The following RORA variants were observed in gnomAD, a reference collection of about 807,000 sequenced individuals.
RORA encodes the protein RAR related orphan receptor A.
RORA carries 7 observed loss-of-function variants against 69.5 expected under a neutral mutation model. The ratio of observed to expected loss-of-function variants is 0.10; its 90% CI spans 0.06 to 0.19. RORA has a LOEUF of 0.19. RORA is among the 10% of genes least tolerant of loss of function. RORA has a pLI of 1.00. For missense variants in RORA, 457 were observed against 663.0 expected, an observed-to-expected ratio of 0.69 and a Z score of 3.41; for synonymous variants, 261 against 240.8, an observed-to-expected ratio of 1.08 and a Z score of -0.78.
intron 1 of RORA, among the ~76,000 whole-genome samples, chr15:61,108,787 G>A (rs1483815271): frequency 6.6e-6 from 1 of 152,132 alleles, no homozygotes; most frequent in East Asian, 1.9e-4. Context: ...CACCTTTTAT[G>A]ATCTAATTTG....
chr15:60,791,199 C>T (rs1342728858), intron 1 of RORA, among the ~76,000 whole-genome samples: 1 of 152,162 alleles, frequency 6.6e-6, no homozygotes, highest in African/African-American at 2.4e-5. Flanking sequence ...AGTCACTTAA[C>T]TTCCCTAGGT....
chr15:61,067,258 C>T (rs1294386386), intron 1 of RORA, among the ~76,000 whole-genome samples: 2 of 151,942 alleles, frequency 1.3e-5, no homozygotes, highest in South Asian at 2.1e-4. Flanking sequence ...ATTACAGGCC[C>T]ATGTCACCAT....
At chr15:60,516,210 T>TAA (rs1491379908) in intron 3 of RORA, among the ~76,000 whole-genome samples, 1 of 26,728 alleles carries the variant, frequency 3.7e-5, no homozygotes, top group African/African-American at 3.2e-4. Context: ...TATATATATT[T>TAA]ATATATATAT....
intron 1 of RORA, among the ~76,000 whole-genome samples, chr15:61,018,876 T>C (rs1337793082): frequency 6.6e-6 from 1 of 152,124 alleles, no homozygotes; most frequent in African/African-American, 2.4e-5. Flanking sequence ...TGTGCATATA[T>C]CTGAGCTAAT....
intron 1 of RORA, among the ~76,000 whole-genome samples, chr15:60,731,483 A>G (rs2071427664): frequency 6.6e-6 from 1 of 152,262 alleles, no homozygotes; most frequent in South Asian, 2.1e-4. Context: ...TGAAGGAAGA[A>G]AACAGAAAAA....
At chr15:61,154,673 C>G (rs1004525550) in intron 1 of RORA, among the ~76,000 whole-genome samples, 5 of 152,134 alleles carry the variant, frequency 3.3e-5, no homozygotes, top group African/African-American at 4.8e-5. Flanking sequence ...ACAGTCAAGT[C>G]CCTCTCCCAG....
chr15:60,760,547 G>A (rs931286631), intron 1 of RORA, among the ~76,000 whole-genome samples: 1 of 152,090 alleles, frequency 6.6e-6, no homozygotes, highest in Non-Finnish European at 1.5e-5. Flanking sequence ...GAGCTCTTTG[G>A]ATCCTTTCCT....
At chr15:60,782,535 T>G (rs2072278641) in intron 1 of RORA, among the ~76,000 whole-genome samples, 1 of 152,226 alleles carries the variant, frequency 6.6e-6, no homozygotes, top group African/African-American at 2.4e-5. Flanking sequence ...AACCATCTTT[T>G]CATTTTTTTA....
chr15:60,703,071 T>C (rs1567162279), intron 1 of RORA, among the ~76,000 whole-genome samples: 2 of 151,520 alleles, frequency 1.3e-5, no homozygotes, highest in Non-Finnish European at 2.9e-5. Context: ...CTGTCTATCA[T>C]AAAGGAACAG....
intron 1 of RORA, among the ~76,000 whole-genome samples, chr15:61,009,201 G>A (rs1488800308): frequency 1.3e-5 from 2 of 152,166 alleles, no homozygotes; most frequent in African/African-American, 4.8e-5. Context: ...TCCCCTTCTT[G>A]GTCCTGATGC....
chr15:60,909,453 C>G (rs1427281652), intron 1 of RORA, among the ~76,000 whole-genome samples: 2 of 152,172 alleles, frequency 1.3e-5, no homozygotes, highest in East Asian at 3.8e-4. Context: ...AAAACTTATT[C>G]CATGCCTTTC....
intron 1 of RORA, among the ~76,000 whole-genome samples, chr15:61,062,679 C>A (rs1174888646): frequency 6.6e-6 from 1 of 152,118 alleles, no homozygotes; most frequent in Non-Finnish European, 1.5e-5. Flanking sequence ...TTTATGTATT[C>A]AATGTATGCT....
intron 1 of RORA, among the ~76,000 whole-genome samples, chr15:61,212,181 A>G (rs1207337419): frequency 6.6e-6 from 1 of 151,974 alleles, no homozygotes; most frequent in Non-Finnish European, 1.5e-5. Context: ...GGTTCTGCCA[A>G]GTGTGGGGCA....
chr15:60,835,025 T>C (rs1213070860), intron 1 of RORA, among the ~76,000 whole-genome samples: 1 of 152,184 alleles, frequency 6.6e-6, no homozygotes, highest in Non-Finnish European at 1.5e-5. Context: ...TTTAAAGGGA[T>C]TGGAGGTTCT....
intron 2 of RORA, among the ~76,000 whole-genome samples, chr15:60,545,884 T>C (rs2067053671): frequency 6.6e-6 from 1 of 152,218 alleles, no homozygotes. Flanking sequence ...GGAATAGTGA[T>C]AGAATTCATT....
chr15:60,523,210 T>G (rs943595500), intron 3 of RORA, among the ~76,000 whole-genome samples: 1 of 152,224 alleles, frequency 6.6e-6, no homozygotes, highest in African/African-American at 2.4e-5. Context: ...CATGTCATTG[T>G]TGGCGAATGA....
At chr15:60,569,879 G>A (rs2067828266) in intron 2 of RORA, among the ~76,000 whole-genome samples, 1 of 152,184 alleles carries the variant, frequency 6.6e-6, no homozygotes, top group South Asian at 2.1e-4. Context: ...GTTTGATTTA[G>A]CAGATATTAA....
intron 1 of RORA, among the ~76,000 whole-genome samples, chr15:60,973,042 G>T (rs1160372738): frequency 6.6e-6 from 1 of 151,388 alleles, no homozygotes; most frequent in African/African-American, 2.4e-5. Context: ...TAAGTCATCC[G>T]ATGACTCATG....
At chr15:60,908,503 G>A (rs1417133184) in intron 1 of RORA, among the ~76,000 whole-genome samples, 1 of 152,188 alleles carries the variant, frequency 6.6e-6, no homozygotes, top group African/African-American at 2.4e-5. Context: ...GAGTACAGGG[G>A]TAGGCGGCAC....
Sources: allele counts gnomAD v4.1 joint callset (sites outside exome capture counted in the v4.1 genomes callset), GRCh38; gene constraint gnomAD v4.1.1; transcripts MANE v1.5; gene names NCBI Gene and HGNC (gene_info 2026-07-23, HGNC 2026-07-21).